The following DLAT variants were observed in gnomAD, a reference collection of about 807,000 sequenced individuals.
The protein encoded by DLAT is dihydrolipoamide S-acetyltransferase, also known as dihydrolipoyllysine-residue acetyltransferase component of pyruvate dehydrogenase complex, mitochondrial.
In DLAT, 43 loss-of-function variants were observed where a neutral mutation model predicts 68.0. The ratio of observed to expected loss-of-function variants is 0.63; its 90% CI spans 0.50 to 0.81. The LOEUF is 0.81. Among genes scored for constraint, DLAT ranks in the 40% least tolerant of loss-of-function variants. DLAT has a pLI of 0.00. For synonymous variants in DLAT, 265 were observed against 288.6 expected (o/e 0.92, Z 0.83); for missense variants, 745 against 815.4 (o/e 0.91, Z 1.05).
At chr11:112,033,554 G>A (rs782194113) in intron 5 of DLAT, 24 bp downstream of exon 5, 36 of 1,612,414 alleles carry the variant, frequency 2.2e-5, no homozygotes, top group Admixed American at 3.3e-5. Flanking sequence ...AGCTCTTAAT[G>A]GTTGAGGCAC....
chr11:112,036,432 C>G (rs1034029597), intron 5 of DLAT, among the ~76,000 whole-genome samples: 7 of 148,746 alleles, frequency 4.7e-5, no homozygotes, highest in Non-Finnish European at 7.5e-5. Context: ...AGGCTGGTCT[C>G]GAACTCCCGA....
At position 112,025,829 on chromosome 11, in the gene DLAT, G is replaced by A. The variant is rs1405427531; in HGVS notation, c.279+78G>A. 3 of 1,557,592 alleles carry A rather than the reference G, an allele frequency of 1.9e-6. No individual in the cohort carries two copies. The African/African-American group carries it at 4.1e-5, about 21-fold the overall frequency. The stretch of plus-strand genomic sequence containing the variant: ...GATGCCTGCAAGATCCTCCTTGAGA[G>A]GCCTCACTGATCCTCCACCCATTCC... On this transcript the variant is annotated intron_variant, in intron 1 of 13. Coordinates refer to ENST00000280346, the MANE Select transcript of DLAT (RefSeq NM_001931.5).
rs1863648274 is a variant in DLAT at position 112,051,741 on chromosome 11, A to G, written c.1514+392A>G. Among the ~76,000 whole-genome samples the G allele has an allele frequency of 1.3e-5, 2 of 152,146 alleles. No individual in the cohort carries two copies. Among genetic ancestry groups the G allele is most frequent in the Non-Finnish European group, 2.9e-5 (2 of 68,028 alleles). On this transcript the variant is annotated intron_variant, in intron 11 of 13. Transcript: ENST00000280346. This position sits in a 1 kb window ranked among gnomAD's most constrained non-coding sequence, Gnocchi z 4.3. Reference sequence around the variant, plus strand: ...CGATATTGCTGGATTTAGCTAGTAAAGGCTATAGATTCTTTGTATGAGTTC... The same window carrying G: ...CGATATTGCTGGATTTAGCTAGTAAGGGCTATAGATTCTTTGTATGAGTTC...
chr11:112,056,911 C>CT (rs1356238167), intron 11 of DLAT, among the ~76,000 whole-genome samples: 1 of 152,068 alleles, frequency 6.6e-6, no homozygotes, highest in African/African-American at 2.4e-5. Flanking sequence ...ATTTATTGTG[C>CT]TTTTTTATAA....
At chr11:112,028,474 C>G (rs782472728) in intron 2 of DLAT, 41 bp from the exon 3 acceptor site, 7 of 1,525,014 alleles carry the variant, frequency 4.6e-6, no homozygotes, top group South Asian at 1.1e-5. Context: ...AAATTACATA[C>G]CAACAGTACA....
chr11:112,061,121 T>A lies in DLAT; in HGVS notation c.1761T>A (p.Ile587=). 1 of 1,614,164 alleles carries A rather than the reference T, an allele frequency of 6.2e-7. No homozygotes were observed. Among genetic ancestry groups the A allele is most frequent in the East Asian group, 2.2e-5 (1 of 44,878 alleles). The change falls in exon 13 of 14, where the codon ATT becomes ATA. Residue 587 remains isoleucine (I), a synonymous_variant. Transcript: ENST00000280346. ...TTATTAACCCACCTCAAGCATGTATTTTGGCAATTGGTGCTTCAGAGGATA... is the reference window on the plus strand; with the variant it reads ...TTATTAACCCACCTCAAGCATGTATATTGGCAATTGGTGCTTCAGAGGATA... ...SAIINPPQAC[I]LAIGASEDKL... is the part of the protein sequence containing the mutation.
chr11:112,042,486 C>T (rs918012705), intron 7 of DLAT, among the ~76,000 whole-genome samples: 16 of 152,116 alleles, frequency 1.1e-4, no homozygotes, highest in Non-Finnish European at 2.1e-4. Flanking sequence ...ACTCAGTTTT[C>T]GTAATGAAGG....
intron 12 of DLAT, among the ~76,000 whole-genome samples, chr11:112,060,463 T>C (rs2135160970): frequency 1.3e-5 from 2 of 151,908 alleles, no homozygotes; most frequent in South Asian, 4.2e-4. Context: ...CCCAGCGTAA[T>C]TCTTTTTTGA....
chr11:112,060,956 A>T, intron 12 of DLAT, 82 bp from the exon 13 acceptor site: 1 of 1,290,852 alleles, frequency 7.7e-7, no homozygotes, highest in Non-Finnish European at 1.1e-6. Context: ...TTTTTAGCTT[A>T]AGGTCTTTTC....
chr11:112,042,883 AAAGAT>A (rs1425259874), intron 7 of DLAT, among the ~76,000 whole-genome samples: 2 of 152,228 alleles, frequency 1.3e-5, no homozygotes, highest in African/African-American at 4.8e-5. Context: ...GAATGATTCT[AAAGAT>A]AAGATAATTG....
chr11:112,031,519 C>T (rs1176934811), intron 4 of DLAT, among the ~76,000 whole-genome samples: 5 of 151,790 alleles, frequency 3.3e-5, no homozygotes, highest in Non-Finnish European at 5.9e-5. Flanking sequence ...TGGGTTCAAG[C>T]GATTCTCCTG....
In DLAT at chr11:112,050,025, G is replaced by A. The variant is rs376957576; in HGVS notation, c.1399-1209G>A. 6.4e-4 allele frequency among the ~76,000 whole-genome samples: 98 copies of A among 152,310 alleles called. 2 individuals carry two copies. The highest frequency in any genetic ancestry group is 2.3e-3 in the African/African-American group (97 of 41,568). On this transcript the variant is annotated intron_variant, in intron 10 of 13. Coordinates refer to ENST00000280346, the MANE Select transcript of DLAT (RefSeq NM_001931.5). ...ATAGTTGTGAGGTTTCCATAGATCAGGTTGAGCAAGTTCCCTCCTGTTCCC... is the reference window on the plus strand; with the variant it reads ...ATAGTTGTGAGGTTTCCATAGATCAAGTTGAGCAAGTTCCCTCCTGTTCCC...
chr11:112,043,186 A>G lies in DLAT; in HGVS notation c.1130-280A>G, dbSNP rs587715357. Among the ~76,000 whole-genome samples the G allele has an allele frequency of 2.6e-5, 4 of 152,382 alleles. No homozygotes were observed. In the South Asian group the frequency reaches 8.3e-4, roughly 32 times the overall value. ...GAAAAAAATTAAGTACAACTTGGATAAAACTCTAAAAGAGAAATACATAAA... is the reference window on the plus strand; with the variant it reads ...GAAAAAAATTAAGTACAACTTGGATGAAACTCTAAAAGAGAAATACATAAA... On this transcript the variant is annotated intron_variant, in intron 7 of 13. Transcript: ENST00000280346.
At chr11:112,032,519 G>A (rs1555180037) in intron 4 of DLAT, 11 of 151,684 alleles carry the variant, frequency 7.3e-5, no homozygotes, top group Non-Finnish European at 1.6e-4. Context: ...AATGCTTCAC[G>A]AATTTGTTGT....
At chr11:112,058,616 A>AGGGG (rs587768977) in intron 11 of DLAT, among the ~76,000 whole-genome samples, 1 of 59,008 alleles carries the variant, frequency 1.7e-5, no homozygotes, top group African/African-American at 7.0e-5. Flanking sequence ...GGGTGGGGGA[A>AGGGG]GGGGGGGGTG....
rs1555181988 is a variant in DLAT at position 112,051,346 on chromosome 11, G to T, written c.1511G>T (p.Arg504Ile). 1.3e-6 allele frequency: 2 copies of T among 1,595,958 alleles called. No individual in the cohort carries two copies. The highest frequency in any genetic ancestry group is 8.6e-7 in the Non-Finnish European group (1 of 1,163,976). Residue 504 changes from arginine to isoleucine, a missense_variant, in exon 11 of 14, where the codon AGA (arginine) becomes ATA (isoleucine). Physicochemically the swap from Arg to Ile is moderately conservative, Grantham distance 97. Transcript: ENST00000280346. This position sits in a 1 kb window ranked among gnomAD's most constrained non-coding sequence, Gnocchi z 4.3. ...TCTTCTTGGATGGACACAGTTATAAGACAGTAAGTATAACTGGGGAAGATA... is the reference window on the plus strand; with the variant it reads ...TCTTCTTGGATGGACACAGTTATAATACAGTAAGTATAACTGGGGAAGATA... ...ANSSWMDTVI[R>I]QNHVVDVSVA...
In DLAT at chr11:112,043,544, T is replaced by A. The variant is rs781890905; in HGVS notation, c.1197+11T>A. The A allele has an allele frequency of 2.6e-5, 42 of 1,613,062 alleles. No homozygotes were observed. The highest frequency in any genetic ancestry group is 3.1e-5 in the Non-Finnish European group (36 of 1,179,130). ...AGTAAAGTTGCTCCTGTGAGTTATG[T>A]GTAGCTCTTACTTTTTTTGCAGTTT... On this transcript the variant is annotated intron_variant, in intron 8 of 13. Transcript: ENST00000280346.
rs781917992 is a variant in DLAT, at chr11:112,061,031, C to T, written c.1678-7C>T. On this transcript the variant is annotated splice_region_variant and splice_polypyrimidine_tract_variant and intron_variant, in intron 12 of 13. Coordinates refer to ENST00000280346, the MANE Select transcript of DLAT (RefSeq NM_001931.5). ...CTATAATTTATTTTTAATTTTTTTT[C>T]CTCTAGGGTGGCACTTTTACGATCT... 46 of 1,569,132 alleles carry T rather than the reference C, an allele frequency of 2.9e-5. No homozygotes were observed. The highest frequency in any genetic ancestry group is 1.6e-4 in the South Asian group (14 of 86,414).
chr11:112,043,397 T>TCA, intron 7 of DLAT, 69 bp from the exon 8 acceptor site: 1 of 1,433,770 alleles, frequency 7.0e-7, no homozygotes, highest in Non-Finnish European at 9.8e-7. Flanking sequence ...CAGTTTAGGA[T>TCA]CACAGCGTTG....
Sources: allele counts gnomAD v4.1 joint callset (sites outside exome capture counted in the v4.1 genomes callset), GRCh38; gene constraint gnomAD v4.1.1; non-coding constraint Gnocchi (gnomAD v3.1); transcripts MANE v1.5; gene names NCBI Gene and HGNC (gene_info 2026-07-23, HGNC 2026-07-21).